Variants in UNC13B observed in about 807,000 individuals in gnomAD.
UNC13B encodes the protein protein unc-13 homolog B.
A neutral mutation model predicts 211.0 loss-of-function variants in UNC13B; 144 were observed. The observed-to-expected ratio is 0.68, with a 90% CI of 0.60 to 0.78. UNC13B has a LOEUF of 0.78. Among genes scored for constraint, UNC13B ranks in the 30% least tolerant of loss-of-function variants. The pLI, the probability that UNC13B is intolerant of heterozygous loss-of-function variation, is 0.00. For synonymous variants in UNC13B, 709 were observed against 725.8 expected (o/e 0.98, Z 0.37); for missense variants, 1,777 against 2,002.0 (o/e 0.89, Z 2.14).
chr9:35,214,108 C>T (rs183952991), intron 1 of UNC13B, among the ~76,000 whole-genome samples: 6 of 151,802 alleles, frequency 4.0e-5, no homozygotes, highest in East Asian at 1.9e-4. Flanking sequence ...AAAAAGGAAT[C>T]GAAAAAGAAA....
At chr9:35,185,951 A>G (rs1219993481) in intron 1 of UNC13B, among the ~76,000 whole-genome samples, 1 of 151,246 alleles carries the variant, frequency 6.6e-6, no homozygotes, top group Non-Finnish European at 1.5e-5. Flanking sequence ...AAAACAACAC[A>G]GTAAAATAAA....
intron 1 of UNC13B, among the ~76,000 whole-genome samples, chr9:35,184,492 G>C (rs1194807590): frequency 2.6e-5 from 4 of 152,202 alleles, no homozygotes; most frequent in African/African-American, 7.2e-5. Context: ...CAGATCACTC[G>C]AGGTCAGGAG....
chr9:35,245,665 A>G (rs1826052836), intron 6 of UNC13B, among the ~76,000 whole-genome samples: 1 of 151,904 alleles, frequency 6.6e-6, no homozygotes, highest in Non-Finnish European at 1.5e-5. Flanking sequence ...CCATGTCCCT[A>G]CAAAGGACAT....
At chr9:35,203,591 T>G (rs1365680674) in intron 1 of UNC13B, among the ~76,000 whole-genome samples, 2 of 152,162 alleles carry the variant, frequency 1.3e-5, no homozygotes, top group Admixed American at 1.3e-4. Flanking sequence ...CCCTTAACAT[T>G]TTTTCCTTCA....
At chr9:35,365,651 C>T (rs1337527066) in intron 11 of UNC13B, among the ~76,000 whole-genome samples, 2 of 152,002 alleles carry the variant, frequency 1.3e-5, no homozygotes, top group African/African-American at 4.8e-5. Context: ...TTATTTCCCA[C>T]CTACTGTTGT....
intron 16 of UNC13B, 29 bp from the exon 17 acceptor site, chr9:35,378,266 G>A: frequency 6.2e-7 from 1 of 1,613,806 alleles, no homozygotes; most frequent in Non-Finnish European, 8.5e-7. Context: ...GAACGACTCT[G>A]AAGCCTCCTA....
intron 11 of UNC13B, among the ~76,000 whole-genome samples, chr9:35,350,072 A>G (rs1032109833): frequency 3.3e-5 from 5 of 152,178 alleles, no homozygotes; most frequent in Non-Finnish European, 5.9e-5. Context: ...CTCCCAGGAG[A>G]CCTAGCAGGA....
chr9:35,187,696 G>A (rs1377482867), intron 1 of UNC13B, among the ~76,000 whole-genome samples: 1 of 152,224 alleles, frequency 6.6e-6, no homozygotes, highest in Non-Finnish European at 1.5e-5. Flanking sequence ...TCTTAGAGCT[G>A]AACCCAGCCA....
At position 35,305,600 on chromosome 9, in the gene UNC13B, G is replaced by A. The variant is rs1023425130; in HGVS notation, c.6196G>A (p.Gly2066Ser). The A allele has an allele frequency of 2.5e-6, 1 of 398,770 alleles. No individual in the cohort carries two copies. Among genetic ancestry groups the A allele is most frequent in the Admixed American group, 4.4e-5 (1 of 22,692 alleles). The allele number at this position is 398,770 out of a possible 1,614,324, so 24.7% of individuals were successfully genotyped here. Residue 2066 changes from glycine (G) to serine (S), a missense_variant, in exon 9 of 40, where the codon GGT (glycine) becomes AGT (serine). Coordinates refer to ENST00000635942, the MANE Select transcript of UNC13B (RefSeq NM_001371189.2). ...RLEESTRGIQ[G>S]NDLTEKEVPF... is the part of the protein sequence containing the mutation. Reference sequence around the variant, plus strand: ...AGAGGAATCAACTAGAGGGATCCAGGGTAATGATTTGACTGAAAAAGAGGT... The same window carrying A: ...AGAGGAATCAACTAGAGGGATCCAGAGTAATGATTTGACTGAAAAAGAGGT...
chr9:35,252,807 G>A (rs1160189048), intron 6 of UNC13B, among the ~76,000 whole-genome samples: 1 of 152,032 alleles, frequency 6.6e-6, no homozygotes, highest in Non-Finnish European at 1.5e-5. Context: ...GCAGGTGCCT[G>A]TAGTCCCAGC....
rs534094992 is a variant in UNC13B at position 35,208,334 on chromosome 9, C to G, written c.23-19681C>G. Among the ~76,000 whole-genome samples, 56 of 152,258 alleles carry G rather than the reference C, an allele frequency of 3.7e-4. No individual in the cohort carries two copies. The South Asian group carries it at 7.9e-3, about 21-fold the overall frequency. On this transcript the variant is annotated intron_variant, in intron 1 of 39. Coordinates refer to ENST00000635942, the MANE Select transcript of UNC13B (RefSeq NM_001371189.2). ...GAACATTCAGTGACTCCTTGGAATT[C>G]ATATAATAAAATGCAATTAGGGAGG...
At chr9:35,292,949 T>G (rs1829167934) in intron 7 of UNC13B, among the ~76,000 whole-genome samples, 1 of 152,226 alleles carries the variant, frequency 6.6e-6, no homozygotes, top group Non-Finnish European at 1.5e-5. Context: ...CAGTGACACA[T>G]TAAAAACACA....
At chr9:35,290,662 C>T (rs769376241) in intron 7 of UNC13B, among the ~76,000 whole-genome samples, 4 of 150,962 alleles carry the variant, frequency 2.6e-5, no homozygotes, top group Non-Finnish European at 5.9e-5. Context: ...TTGGTGAACA[C>T]AGAGATAAGG....
chr9:35,341,922 T>A, intron 11 of UNC13B: 1 of 985,522 alleles, frequency 1.0e-6, no homozygotes, highest in Non-Finnish European at 1.2e-6. Context: ...ATCGATTGAG[T>A]TAGAATTCCA....
intron 11 of UNC13B, among the ~76,000 whole-genome samples, chr9:35,323,305 G>A (rs1830835305): frequency 6.6e-6 from 1 of 151,984 alleles, no homozygotes. Flanking sequence ...TAGGGCTACT[G>A]CTTTGTAAAT....
chr9:35,183,283 T>TCACCTCCCAGGCGGGGC lies in UNC13B; in HGVS notation c.22+20978_22+20979insCACCTCCCAGGCGGGGC, dbSNP rs1822078219. On this transcript the variant is annotated intron_variant, in intron 1 of 39. Transcript: ENST00000635942. The stretch of plus-strand genomic sequence containing the variant: ...GGAGCCCCTCACCTCCCAGGCGGGG[T>TCACCTCCCAGGCGGGGC]GGCCGGGCAGAGGCGCCCCTCACCT... Among the ~76,000 whole-genome samples, 15 of 80,772 alleles carry TCACCTCCCAGGCGGGGC rather than the reference T, an allele frequency of 1.9e-4. 2 individuals carry two copies. In the South Asian group the frequency reaches 2.9e-3, roughly 15 times the overall value. 53.0% of individuals were successfully genotyped at this position (80,772 alleles called of 152,430 possible).
intron 37 of UNC13B, chr9:35,402,142 T>C (rs1053733466): frequency 7.8e-6 from 6 of 765,332 alleles, no homozygotes; most frequent in African/African-American, 5.2e-5. Flanking sequence ...GTCTTAGAGA[T>C]GGGTAATGCC....
intron 24 of UNC13B, 125 bp from the exon 25 acceptor site, chr9:35,389,721 G>C: frequency 9.9e-7 from 1 of 1,009,386 alleles, no homozygotes; most frequent in Non-Finnish European, 1.5e-6. Context: ...CTCTAGGAGA[G>C]GAAAGGTCCT....
In UNC13B at chr9:35,376,186, C is replaced by A. The variant is rs571328752; in HGVS notation, c.9774C>A (p.Ser3258Arg). The A allele has an allele frequency of 2.7e-5, 44 of 1,614,130 alleles. No homozygotes were observed. The African/African-American group carries it at 5.3e-4, about 20-fold the overall frequency. ...WGIARQGMRC[S>R]ECGVKCHEKC... ...TTGCCCGGCAGGGCATGCGCTGCAGCGAATGTGGAGTCAAGTGCCATGAGA... is the reference window on the plus strand; with the variant it reads ...TTGCCCGGCAGGGCATGCGCTGCAGAGAATGTGGAGTCAAGTGCCATGAGA... Residue 3258 changes from serine to arginine, a missense_variant, in exon 15 of 40, where the codon AGC becomes AGA. By Grantham distance (110) the Ser-to-Arg change is moderately radical (BLOSUM62 -1). Coordinates refer to ENST00000635942, the MANE Select transcript of UNC13B (RefSeq NM_001371189.2).
Sources: gnomAD v4.1 joint callset for allele counts (sites outside exome capture counted in the v4.1 genomes callset) on GRCh38, gnomAD v4.1.1 for gene constraint, MANE v1.5 for transcripts, NCBI Gene and HGNC (gene_info 2026-07-23, HGNC 2026-07-21) for gene names.